Variants in ZNF469 observed in about 807,000 individuals in gnomAD.
The protein encoded by ZNF469 is zinc finger protein 469.
A neutral mutation model predicts 1.0 loss-of-function variants in ZNF469; 1 was observed. That is an observed-to-expected ratio of 1.00 (90% CI 0.35 to 4.73). ZNF469 has a LOEUF of 4.73. Among genes scored for constraint, ZNF469 ranks in the 30% most tolerant of loss-of-function variants. The pLI, the probability that ZNF469 is intolerant of heterozygous loss-of-function variation, is 0.16. For synonymous variants in ZNF469, 2,703 were observed against 2,363.4 expected (o/e 1.14, Z -4.17); for missense variants, 6,100 against 5,356.3 (o/e 1.14, Z -4.33).
intron 1 of ZNF469, among the ~76,000 whole-genome samples, chr16:88,394,111 TCTGAGAGGAGCGGGGTTTGACACGC>T (rs1904581184): frequency 1.3e-5 from 1 of 75,544 alleles, no homozygotes; most frequent in Non-Finnish European, 3.5e-5. Context: ...ACCTGCGCTG[TCTGAGAGGAGCGGGGTTTGACACGC>T]CTACACCTGC....
the ZNF469 span, among the ~76,000 whole-genome samples, chr16:88,206,182 C>T: frequency 2.6e-5 from 4 of 152,180 alleles, no homozygotes; most frequent in Admixed American, 2.6e-4. Flanking sequence ...GGAGTCCAGC[C>T]GGGATAGGAC....
the ZNF469 span, among the ~76,000 whole-genome samples, chr16:88,201,929 C>T: frequency 2.0e-5 from 3 of 152,176 alleles, no homozygotes; most frequent in Admixed American, 6.5e-5. This position sits in a 1 kb window ranked among gnomAD's most constrained non-coding sequence, Gnocchi z 5.0. Context: ...CTCTTGATGG[C>T]CTGGGGCTCC....
the ZNF469 span, among the ~76,000 whole-genome samples, chr16:88,325,283 G>T: frequency 6.8e-6 from 1 of 147,230 alleles, no homozygotes; most frequent in African/African-American, 2.5e-5. Context: ...TCCGTAAGCT[G>T]CCCGAGGTGC....
the ZNF469 span, among the ~76,000 whole-genome samples, chr16:88,334,956 T>G: frequency 6.9e-6 from 1 of 144,518 alleles, no homozygotes; most frequent in Non-Finnish European, 1.5e-5. Flanking sequence ...GAAGGACACA[T>G]GTGTGATGGA....
the ZNF469 span, among the ~76,000 whole-genome samples, chr16:88,369,796 C>T: frequency 4.6e-5 from 7 of 152,188 alleles, no homozygotes; most frequent in Admixed American, 3.9e-4. Flanking sequence ...GCTGTTCATG[C>T]CACAGAGGCC....
Position 88,433,563 on chromosome 16 carries a change from G to T in ZNF469, c.6093G>T (p.Glu2031Asp), listed in dbSNP as rs1906352749. The T allele has an allele frequency of 6.4e-7, 1 of 1,550,388 alleles. No individual in the cohort carries two copies. The highest frequency in any genetic ancestry group is 2.4e-5 in the East Asian group (1 of 40,928). The part of the protein sequence containing the change: ...SPKTALTGPT[E>D]GAVLLEKCKG... ...AAACAGCGCTGACCGGCCCCACCGA[G>T]GGTGCAGTCCTGCTAGAGAAATGCA... Residue 2031 changes from glutamate to aspartate, a missense_variant, in exon 3 of 3, where the codon GAG becomes GAT. Physicochemically the swap from Glu to Asp is conservative, Grantham distance 45 (BLOSUM62 2). Transcript: ENST00000565624.
chr16:88,251,367 C>G, the ZNF469 span, among the ~76,000 whole-genome samples: 80 of 150,800 alleles, frequency 5.3e-4, no homozygotes, highest in African/African-American at 1.8e-3. Context: ...TGTCTACATG[C>G]ACGTGTCAGG....
chr16:88,417,564 G>A (rs1232228802), intron 1 of ZNF469, among the ~76,000 whole-genome samples: 4 of 152,284 alleles, frequency 2.6e-5, no homozygotes, highest in East Asian at 3.9e-4. Flanking sequence ...GATGCCTGGC[G>A]GGGCGGCCCC....
the ZNF469 span, among the ~76,000 whole-genome samples, chr16:88,324,801 T>C: frequency 6.6e-6 from 1 of 152,176 alleles, no homozygotes; most frequent in African/African-American, 2.4e-5. Flanking sequence ...CTTATGCTGA[T>C]GGGCAGAGGG....
At chr16:88,255,591 A>G in the ZNF469 span, among the ~76,000 whole-genome samples, 5 of 152,222 alleles carry the variant, frequency 3.3e-5, no homozygotes, top group African/African-American at 9.6e-5. Context: ...TTATAAACCT[A>G]CACTGACACA....
At chr16:88,170,635 A>G in the ZNF469 span, among the ~76,000 whole-genome samples, 4 of 152,174 alleles carry the variant, frequency 2.6e-5, no homozygotes, top group African/African-American at 9.7e-5. The surrounding 1 kb of genome is among the most constrained non-coding windows in gnomAD (Gnocchi z 4.2). Flanking sequence ...TAAAGGCTGT[A>G]GCATGCTCCG....
chr16:88,410,004 T>G (rs1248081862), intron 1 of ZNF469, among the ~76,000 whole-genome samples: 1 of 150,644 alleles, frequency 6.6e-6, no homozygotes, highest in Non-Finnish European at 1.5e-5. Flanking sequence ...GGATGCCGAG[T>G]GTTCCAGTGG....
the ZNF469 span, among the ~76,000 whole-genome samples, chr16:88,244,349 G>A: frequency 1.4e-5 from 2 of 147,652 alleles, no homozygotes; most frequent in Admixed American, 6.7e-5. Flanking sequence ...TAGTGGATGG[G>A]TGAATGGGTG....
At chr16:88,154,389 C>T in the ZNF469 span, among the ~76,000 whole-genome samples, 1 of 152,352 alleles carries the variant, frequency 6.6e-6, no homozygotes, top group East Asian at 1.9e-4. Flanking sequence ...TGGTCTCAAA[C>T]TCCTGACCTC....
the ZNF469 span, among the ~76,000 whole-genome samples, chr16:88,331,550 AC>A: frequency 6.6e-6 from 1 of 151,580 alleles, no homozygotes; most frequent in Non-Finnish European, 1.5e-5. Context: ...CACCATCACC[AC>A]CATCGTCATC....
the ZNF469 span, among the ~76,000 whole-genome samples, chr16:88,103,401 T>C: frequency 1.3e-5 from 2 of 152,224 alleles, 1 homozygote; most frequent in Admixed American, 1.3e-4. Context: ...GGCTGCCCAG[T>C]GCCCCTTGCC....
the ZNF469 span, among the ~76,000 whole-genome samples, chr16:88,313,062 G>C: frequency 1.3e-5 from 2 of 152,216 alleles, no homozygotes; most frequent in African/African-American, 4.8e-5. Flanking sequence ...CTCCTGGTCA[G>C]GGTCACGGTC....
At chr16:88,286,614 G>A in the ZNF469 span, among the ~76,000 whole-genome samples, 9 of 152,270 alleles carry the variant, frequency 5.9e-5, no homozygotes, top group Non-Finnish European at 1.0e-4. Context: ...GGAATGTGGA[G>A]GACAGGAACA....
chr16:88,123,865 G>A, the ZNF469 span, among the ~76,000 whole-genome samples: 2 of 152,062 alleles, frequency 1.3e-5, no homozygotes, highest in African/African-American at 2.4e-5. Flanking sequence ...GTGCAATGGA[G>A]CAGTGTCGGC....
Sources: allele counts gnomAD v4.1 joint callset (sites outside exome capture counted in the v4.1 genomes callset), GRCh38; gene constraint gnomAD v4.1.1; non-coding constraint Gnocchi (gnomAD v3.1); transcripts MANE v1.5; gene names NCBI Gene and HGNC (gene_info 2026-07-23, HGNC 2026-07-21).